PDZD9: variants seen among roughly 807,000 people sequenced by gnomAD.
PDZD9 encodes PDZ domain-containing protein 9.
Under a neutral mutation model 16.3 loss-of-function variants are expected in PDZD9, and 13 were observed. That is an observed-to-expected ratio of 0.80 (90% CI 0.52 to 1.27). PDZD9 has a LOEUF of 1.27. Among genes scored for constraint, PDZD9 ranks in the 50% most tolerant of loss-of-function variants. The probability of loss-of-function intolerance (pLI) is 0.00; values close to 1 mark genes in which losing one functional copy is unlikely to be tolerated. For synonymous variants in PDZD9, 120 were observed against 111.0 expected, an observed-to-expected ratio of 1.08 and a Z score of -0.51; for missense variants, 288 against 310.9, an observed-to-expected ratio of 0.93 and a Z score of 0.55.
chr16:21,961,731 A>T, the PDZD9 span, among the ~76,000 whole-genome samples: 1 of 141,998 alleles, frequency 7.0e-6, no homozygotes, highest in Non-Finnish European at 1.5e-5. Context: ...GGCTCACTGT[A>T]ACCTCCGCCT....
At chr16:21,974,821 A>G in the PDZD9 span, among the ~76,000 whole-genome samples, 1 of 152,340 alleles carries the variant, frequency 6.6e-6, no homozygotes, top group East Asian at 1.9e-4. Context: ...ACACAAGTGG[A>G]CCTTTTAGCC....
intron 3 of PDZD9, 109 bp downstream of exon 3, chr16:21,988,490 GTCC>G: frequency 2.3e-6 from 2 of 887,608 alleles, no homozygotes; most frequent in Non-Finnish European, 3.4e-6. Flanking sequence ...AGTGTCACCA[GTCC>G]TCCTGTCATG....
chr16:21,960,569 G>C, the PDZD9 span, among the ~76,000 whole-genome samples: 3 of 152,210 alleles, frequency 2.0e-5, no homozygotes, highest in Non-Finnish European at 4.4e-5. Context: ...TGGTGCAAGA[G>C]GCCTAGCTTT....
At chr16:21,978,612 T>C in the PDZD9 span, among the ~76,000 whole-genome samples, 40 of 152,332 alleles carry the variant, frequency 2.6e-4, no homozygotes, top group African/African-American at 8.9e-4. Context: ...AAAATAGTTT[T>C]ACCTAGATCT....
downstream of PDZD9, chr16:21,982,995 C>A: frequency 9.6e-7 from 1 of 1,038,252 alleles, no homozygotes; most frequent in Non-Finnish European, 1.4e-6. Flanking sequence ...AATGTCCTAT[C>A]CATAAATTCT....
the PDZD9 span, chr16:21,962,778 T>G: frequency 6.2e-7 from 1 of 1,614,148 alleles, no homozygotes; most frequent in East Asian, 2.2e-5. Context: ...CTAATGGAGT[T>G]CCTGCTCAAT....
chr16:21,965,315 C>A, the PDZD9 span: 2 of 1,242,596 alleles, frequency 1.6e-6, no homozygotes, highest in Admixed American at 1.9e-5. Context: ...AGAAGATGAC[C>A]AAATTTGTAT....
At chr16:21,969,096 A>T in the PDZD9 span, among the ~76,000 whole-genome samples, 2 of 152,232 alleles carry the variant, frequency 1.3e-5, no homozygotes, top group Non-Finnish European at 2.9e-5. Context: ...ATAATTAAGA[A>T]AATTTTAATC....
At chr16:21,988,555 C>T (rs372278808) in intron 3 of PDZD9, 47 bp downstream of exon 3, 2 of 1,481,178 alleles carry the variant, frequency 1.4e-6, no homozygotes, top group East Asian at 2.3e-5. Context: ...CTCACAGGCC[C>T]TGGGATTCTG....
At position 21,988,803 on chromosome 16, in the gene PDZD9, A is replaced by C. The variant is rs1318237236; in HGVS notation, c.212-12T>G. On this transcript the variant is annotated splice_polypyrimidine_tract_variant and intron_variant, in intron 2 of 3. Transcript: ENST00000424898. ...AATCAGAACATCACCTGAAGAGGGA[A>C]AAAATTATGTATCAGTAAAACTAGA... The C allele has an allele frequency of 3.2e-6, 5 of 1,584,480 alleles. No individual in the cohort carries two copies. The highest frequency in any genetic ancestry group is 4.3e-6 in the Non-Finnish European group (5 of 1,168,672).
chr16:21,999,616 G>T (rs892609519), intron 1 of PDZD9: 1 of 150,702 alleles, frequency 6.6e-6, no homozygotes, highest in Admixed American at 6.7e-5. Flanking sequence ...TCCTGATGCT[G>T]TGCGGAAAAA....
intron 1 of PDZD9, among the ~76,000 whole-genome samples, chr16:22,000,005 C>G (rs1899251219): frequency 6.6e-6 from 1 of 151,780 alleles, no homozygotes; most frequent in Non-Finnish European, 1.5e-5. Flanking sequence ...CATGCCGCTG[C>G]ACTCTAGCCT....
At chr16:21,959,589 G>A in the PDZD9 span, 1 of 152,848 alleles carries the variant, frequency 6.5e-6, no homozygotes, top group African/African-American at 2.4e-5. Flanking sequence ...TCACGTTAAT[G>A]TTGATACTTT....
At chr16:21,973,820 T>G in the PDZD9 span, 4 of 1,416,112 alleles carry the variant, frequency 2.8e-6, no homozygotes, top group Middle Eastern at 1.9e-4. Context: ...CCAAGTTTTT[T>G]CTAGGCAAAC....
downstream of PDZD9, chr16:21,983,162 T>C (rs754441007): frequency 6.2e-7 from 1 of 1,614,022 alleles, no homozygotes; most frequent in Admixed American, 1.7e-5. Flanking sequence ...CTTTTGTTGA[T>C]GAGTTGTAAT....
chr16:21,998,078 T>C (rs1018480984), intron 1 of PDZD9, among the ~76,000 whole-genome samples: 2 of 152,148 alleles, frequency 1.3e-5, no homozygotes, highest in African/African-American at 4.8e-5. Flanking sequence ...ATAAACAAGA[T>C]ACCATCTTCA....
intron 2 of PDZD9, among the ~76,000 whole-genome samples, chr16:21,994,823 T>A (rs1567489130): frequency 6.6e-6 from 1 of 151,914 alleles, no homozygotes; most frequent in Non-Finnish European, 1.5e-5. Context: ...CCTCATTAAG[T>A]AAATTTAATT....
chr16:21,984,539 G>C lies in PDZD9; in HGVS notation c.523C>G (p.Pro175Ala). The C allele has an allele frequency of 6.2e-7, 1 of 1,601,594 alleles. No individual in the cohort carries two copies. Among genetic ancestry groups the C allele is most frequent in the African/African-American group, 1.3e-5 (1 of 74,752 alleles). Residue 175 changes from proline to alanine, a missense_variant, in exon 4 of 4, where the codon CCT (proline) becomes GCT (alanine). Transcript: ENST00000424898. ...YRYPWSTVHH[P>A]ARRPISISRD... is the part of the protein sequence containing the mutation. ...GAGATGGATATTGGTCTCCTTGCAG[G>C]GTGATGCACAGTTGACCACGGATAT...
the PDZD9 span, among the ~76,000 whole-genome samples, chr16:21,961,910 C>T: frequency 2.0e-5 from 3 of 151,810 alleles, no homozygotes; most frequent in South Asian, 6.2e-4. Context: ...ACCTCGGCCT[C>T]CCAAAGTGCT....
Sources: allele counts gnomAD v4.1 joint callset (sites outside exome capture counted in the v4.1 genomes callset), GRCh38; gene constraint gnomAD v4.1.1; transcripts MANE v1.5; gene names NCBI Gene and HGNC (gene_info 2026-07-23, HGNC 2026-07-21).